Variants in PIGG observed in about 807,000 individuals in gnomAD.
The protein encoded by PIGG is phosphatidylinositol glycan anchor biosynthesis class G (EMM blood group).
In PIGG, 70 loss-of-function variants were observed where a neutral mutation model predicts 83.2. The observed-to-expected ratio is 0.84, with a 90% CI of 0.69 to 1.03. The LOEUF (loss-of-function observed/expected upper bound fraction) is 1.03, where lower values mean the gene tolerates loss of function less well. Ranked by LOEUF, PIGG falls within the 50% of genes least tolerant of loss-of-function variation. The pLI, the probability that PIGG is intolerant of heterozygous loss-of-function variation, is 0.00. For synonymous variants in PIGG, 532 were observed against 519.5 expected, an observed-to-expected ratio of 1.02 and a Z score of -0.33; for missense variants, 1,257 against 1,233.6, an observed-to-expected ratio of 1.02 and a Z score of -0.28.
chr4:526,818 G>T (rs1727753630), intron 9 of PIGG: 3 of 593,654 alleles, frequency 5.1e-6, no homozygotes, highest in Non-Finnish European at 8.9e-6. Context: ...AAAGTGCTGG[G>T]ATTGCTGGTG....
At chr4:526,188 A>T (rs138861648) in intron 9 of PIGG, among the ~76,000 whole-genome samples, 2 of 152,250 alleles carry the variant, frequency 1.3e-5, no homozygotes, top group Non-Finnish European at 2.9e-5. Flanking sequence ...TTTTATTATT[A>T]TAACAATCCT....
In PIGG at chr4:528,438, C is replaced by T. The variant is rs1728248771; in HGVS notation, c.2261+1208C>T. ...AGCCTGAGGGGTGGCCGTGGGGCTC[C>T]GGGGGCACCCCTGGAAGTACTTCCT... On this transcript the variant is annotated intron_variant, in intron 10 of 12. Transcript: ENST00000453061. This position sits in a 1 kb window ranked among gnomAD's most constrained non-coding sequence, Gnocchi z 4.8. The T allele has an allele frequency of 6.1e-6, 6 of 985,158 alleles. No homozygotes were observed. Among genetic ancestry groups the T allele is most frequent in the Admixed American group, 6.1e-5 (1 of 16,264 alleles). 61.0% of individuals were successfully genotyped at this position (985,158 alleles called of 1,614,324 possible).
rs549460919 is a variant in PIGG, at chr4:507,647, C to G, written c.759+54C>G. The stretch of plus-strand genomic sequence containing the variant: ...TGATGTGGTTTCACGTGGATGTTCC[C>G]TAGAATAAATGCAACCGCCTGAGTT... On this transcript the variant is annotated intron_variant, in intron 4 of 12. Coordinates refer to ENST00000453061, the MANE Select transcript of PIGG (RefSeq NM_001127178.3). The G allele has an allele frequency of 6.2e-5, 90 of 1,460,156 alleles. No individual in the cohort carries two copies. The East Asian group carries it at 2.1e-3, about 34-fold the overall frequency. The allele number at this position is 1,460,156 out of a possible 1,614,324, so 90.4% of individuals were successfully genotyped here.
chr4:500,547 TCA>T lies in PIGG; in HGVS notation c.309_310del (p.His103GlnfsTer5), dbSNP rs1553875180. ...CTTACCTTGTGGAAAAAGGAGCATCTCACAGTTTTGTGGCTGAAGCAAAGCCA... is the reference window on the plus strand; with the variant it reads ...CTTACCTTGTGGAAAAAGGAGCATCTCAGTTTTGTGGCTGAAGCAAAGCCA... ...TTYLVEKGAS[H>X]SFVAEAKPPT... On this transcript the variant is annotated frameshift_variant, in exon 2 of 13. Coordinates refer to ENST00000453061, the MANE Select transcript of PIGG (RefSeq NM_001127178.3). LOFTEE classifies it high-confidence loss of function. 1.2e-5 allele frequency: 20 copies of T among 1,613,732 alleles called. No homozygotes were observed. The highest frequency in any genetic ancestry group is 1.3e-5 in the Non-Finnish European group (15 of 1,179,556).
chr4:531,363 G>C (rs879346340), intron 11 of PIGG: 9,573 of 154,968 alleles, frequency 0.062, 588 homozygotes, highest in Middle Eastern at 0.14. Context: ...AGGAGAGCAG[G>C]CACAGCCCTG....
intron 5 of PIGG, among the ~76,000 whole-genome samples, chr4:510,233 T>C (rs1346751168): frequency 2.0e-5 from 3 of 152,298 alleles, no homozygotes; most frequent in South Asian, 2.1e-4. Flanking sequence ...GTTCTACTGA[T>C]TCTAAATTAA....
intron 3 of PIGG, chr4:506,928 C>G (rs1719934961): frequency 5.3e-6 from 2 of 375,744 alleles, no homozygotes; most frequent in Non-Finnish European, 1.1e-5. Flanking sequence ...AACTTGGGAT[C>G]TATTTAACTT....
intron 11 of PIGG, 178 bp downstream of exon 11, chr4:530,923 G>A (rs532449420): frequency 1.1e-3 from 630 of 582,264 alleles, no homozygotes; most frequent in Non-Finnish European, 1.6e-3. Flanking sequence ...TAAGACACGC[G>A]TCCCAGGTGT....
intron 9 of PIGG, 69 bp from the exon 10 acceptor site, chr4:526,970 G>A: frequency 9.0e-6 from 14 of 1,554,420 alleles, no homozygotes; most frequent in Non-Finnish European, 1.2e-5. Context: ...TTCTTTGAAA[G>A]CCACTTGGTG....
At chr4:517,131 G>A (rs1724172684) in intron 6 of PIGG, among the ~76,000 whole-genome samples, 1 of 152,146 alleles carries the variant, frequency 6.6e-6, no homozygotes, top group African/African-American at 2.4e-5. Context: ...GTTAAATGGG[G>A]AGCTGCTGCA....
chr4:512,788 T>C (rs112793392), intron 5 of PIGG, among the ~76,000 whole-genome samples: 37 of 152,186 alleles, frequency 2.4e-4, no homozygotes, highest in South Asian at 6.2e-4. Context: ...GCACTCCAGC[T>C]TGGCGACGGA....
At position 527,353 on chromosome 4, in the gene PIGG, G is replaced by T. The variant is rs76202956; in HGVS notation, c.2261+123G>T. On this transcript the variant is annotated intron_variant, in intron 10 of 12. Transcript: ENST00000453061. Reference sequence around the variant, plus strand: ...TGAGAAGACCAAGCCAGTCTTCAGAGCATTGGAGTTTGGTGTTTGTGAATT... The same window carrying T: ...TGAGAAGACCAAGCCAGTCTTCAGATCATTGGAGTTTGGTGTTTGTGAATT... The T allele has an allele frequency of 8.6e-5, 122 of 1,410,802 alleles. No individual in the cohort carries two copies. The East Asian group carries it at 2.9e-3, about 34-fold the overall frequency. 87.4% of individuals were successfully genotyped at this position (1,410,802 alleles called of 1,614,324 possible). A position where few individuals can be genotyped will look rare whatever the true frequency, so the allele number is the denominator to read the frequency against.
At chr4:532,840 G>A (rs1729388937) in intron 11 of PIGG, 1 of 152,610 alleles carries the variant, frequency 6.6e-6, no homozygotes, top group African/African-American at 2.4e-5. Flanking sequence ...ACAGGCAAGT[G>A]ACAGACATCA....
chr4:534,770 C>T (rs767690341), intron 12 of PIGG, among the ~76,000 whole-genome samples: 1 of 151,990 alleles, frequency 6.6e-6, no homozygotes, highest in Non-Finnish European at 1.5e-5. Context: ...CTCCTGGCAG[C>T]TTTGTGCAGA....
chr4:514,239 G>A (rs769891557), intron 5 of PIGG, among the ~76,000 whole-genome samples: 23 of 152,130 alleles, frequency 1.5e-4, no homozygotes, highest in African/African-American at 5.3e-4. Flanking sequence ...TAAAAGGTAC[G>A]TGCTCTTTAC....
In PIGG at chr4:520,321, A is replaced by G. The variant is rs1374604936; in HGVS notation, c.1115-735A>G. 2.0e-5 allele frequency among the ~76,000 whole-genome samples: 3 copies of G among 152,334 alleles called. No homozygotes were observed. The South Asian group carries it at 6.2e-4, about 32-fold the overall frequency. ...GTGTGGTCCCGGCAGAGGCTCACGC[A>G]TCAGCCAGCTCGGGAAAGAAAGAAC... On this transcript the variant is annotated intron_variant, in intron 6 of 12. Transcript: ENST00000453061.
chr4:505,620 G>T, intron 2 of PIGG, 98 bp from the exon 3 acceptor site: 1 of 801,356 alleles, frequency 1.2e-6, no homozygotes, highest in Middle Eastern at 3.7e-4. Flanking sequence ...GCAACAGAGA[G>T]GGACCCTGTC....
In PIGG at chr4:533,961, C is replaced by A; in HGVS notation, c.2715C>A (p.Phe905Leu). The stretch of plus-strand genomic sequence containing the variant: ...TGTGGGCCAGCCACTTAGTGCACTT[C>A]CTGAGCTCAGAAACACGCAGGTGAG... ...PVLWASHLVH[F>L]LSSETRSGSA... The change falls in exon 12 of 13, where the codon TTC (phenylalanine) becomes TTA (leucine). Residue 905 changes from phenylalanine to leucine, a missense_variant. By Grantham distance (22) the Phe-to-Leu change is conservative. Transcript: ENST00000453061. 1 of 1,614,162 alleles carries A rather than the reference C, an allele frequency of 6.2e-7. No individual in the cohort carries two copies. Among genetic ancestry groups the A allele is most frequent in the Non-Finnish European group, 8.5e-7 (1 of 1,179,984 alleles).
rs1728214786 is a variant in PIGG at position 528,299 on chromosome 4, CAT to C, written c.2261+1071_2261+1072del. 2 of 983,374 alleles carry C rather than the reference CAT, an allele frequency of 2.0e-6. No individual in the cohort carries two copies. The highest frequency in any genetic ancestry group is 3.5e-5 in the African/African-American group (2 of 57,180). 60.9% of individuals were successfully genotyped at this position (983,374 alleles called of 1,614,324 possible). On this transcript the variant is annotated intron_variant, in intron 10 of 12. Transcript: ENST00000453061. The surrounding 1 kb of genome is among the most constrained non-coding windows in gnomAD (Gnocchi z 4.8). ...GGTGATTATATTTAGGACCTGAAAT[CAT>C]AAGATTGTGGTCTTGCTTTTTACTT...
Sources: gnomAD v4.1 joint callset for allele counts (sites outside exome capture counted in the v4.1 genomes callset) on GRCh38, gnomAD v4.1.1 for gene constraint, Gnocchi (gnomAD v3.1) non-coding constraint, MANE v1.5 for transcripts, NCBI Gene and HGNC (gene_info 2026-07-23, HGNC 2026-07-21) for gene names.